JARID2: variants seen among roughly 807,000 people sequenced by gnomAD.
JARID2 encodes the protein protein Jumonji.
JARID2 carries 21 observed loss-of-function variants against 125.6 expected under a neutral mutation model. The ratio of observed to expected loss-of-function variants is 0.17; its 90% CI spans 0.12 to 0.24. The LOEUF (loss-of-function observed/expected upper bound fraction) is 0.24, where lower values mean the gene tolerates loss of function less well. JARID2 is among the 10% of genes least tolerant of loss of function. The probability of loss-of-function intolerance (pLI) is 1.00; values close to 1 mark genes in which losing one functional copy is unlikely to be tolerated. For missense variants in JARID2, 1,303 were observed against 1,639.6 expected (o/e 0.79, Z 3.55); for synonymous variants, 736 against 661.6 (o/e 1.11, Z -1.73).
chr6:15,389,682 T>G (rs1207325854), intron 2 of JARID2, among the ~76,000 whole-genome samples: 2 of 152,192 alleles, frequency 1.3e-5, no homozygotes, highest in Non-Finnish European at 2.9e-5. Context: ...CTGAGGAAAA[T>G]GTTGGCAAAC....
intron 1 of JARID2, among the ~76,000 whole-genome samples, chr6:15,253,282 A>G (rs2127298372): frequency 6.6e-6 from 1 of 152,198 alleles, no homozygotes; most frequent in East Asian, 1.9e-4. Context: ...CCAGGCTGGT[A>G]TTGAACTCCT....
intron 2 of JARID2, among the ~76,000 whole-genome samples, chr6:15,395,366 G>A (rs1298077190): frequency 1.3e-5 from 2 of 152,094 alleles, no homozygotes; most frequent in African/African-American, 4.8e-5. Flanking sequence ...TATGATCTCA[G>A]CTCACCGCAA....
At chr6:15,308,077 G>A (rs953439639) in intron 1 of JARID2, among the ~76,000 whole-genome samples, 1 of 152,098 alleles carries the variant, frequency 6.6e-6, no homozygotes, top group African/African-American at 2.4e-5. Flanking sequence ...AATTTTTCTG[G>A]TTTTCTGAAA....
At chr6:15,466,023 C>T (rs1374670847) in intron 4 of JARID2, among the ~76,000 whole-genome samples, 2 of 152,092 alleles carry the variant, frequency 1.3e-5, no homozygotes, top group Admixed American at 6.6e-5. Context: ...AGGCTGGTCT[C>T]GAACTCCTGA....
chr6:15,281,291 C>T (rs1760738941), intron 1 of JARID2, among the ~76,000 whole-genome samples: 1 of 152,238 alleles, frequency 6.6e-6, no homozygotes, highest in South Asian at 2.1e-4. Context: ...CCCACACTGG[C>T]TGTGTCTCAC....
chr6:15,313,017 C>T (rs1391231483), intron 1 of JARID2, among the ~76,000 whole-genome samples: 1 of 152,196 alleles, frequency 6.6e-6, no homozygotes, highest in East Asian at 1.9e-4. Flanking sequence ...CCTCCAGTTT[C>T]AGAATAGTGC....
intron 1 of JARID2, among the ~76,000 whole-genome samples, chr6:15,301,302 T>A (rs773171664): frequency 3.9e-5 from 6 of 152,224 alleles, no homozygotes; most frequent in Non-Finnish European, 5.9e-5. Context: ...AGACCTTTAA[T>A]GCATTTGGAA....
At chr6:15,290,980 C>G (rs1393907826) in intron 1 of JARID2, among the ~76,000 whole-genome samples, 1 of 152,062 alleles carries the variant, frequency 6.6e-6, no homozygotes, top group Non-Finnish European at 1.5e-5. Context: ...GTGTGTAAGC[C>G]CAGCCCTTTG....
chr6:15,246,326 C>G lies in JARID2; in HGVS notation c.-214C>G, dbSNP rs1759183217. 2 of 538,876 alleles carry G rather than the reference C, an allele frequency of 3.7e-6. No homozygotes were observed. Among genetic ancestry groups the G allele is most frequent in the Admixed American group, 3.6e-5 (1 of 28,068 alleles). The allele number at this position is 538,876 out of a possible 1,614,324, so 33.4% of individuals were successfully genotyped here. A position where few individuals can be genotyped will look rare whatever the true frequency, so the allele number is the denominator to read the frequency against. ...ACTAAAGTGAATTTTTTTTTGTTTG[C>G]TTCGTTCGTCTTTGGCTCTTTTTTT... is the stretch of plus-strand genomic sequence containing the variant. On this transcript the variant is annotated 5_prime_UTR_variant, in exon 1 of 18. Transcript: ENST00000341776.
intron 1 of JARID2, chr6:15,368,618 G>C: frequency 2.3e-6 from 1 of 433,300 alleles, no homozygotes; most frequent in South Asian, 1.6e-5. Flanking sequence ...TTGAGAGACC[G>C]TGTCACGTAA....
At chr6:15,305,082 G>C (rs1761771764) in intron 1 of JARID2, among the ~76,000 whole-genome samples, 1 of 152,174 alleles carries the variant, frequency 6.6e-6, no homozygotes, top group Non-Finnish European at 1.5e-5. Flanking sequence ...GGATTTTTTG[G>C]TTGGACAGGG....
intron 1 of JARID2, chr6:15,248,132 TGGCTGGCGGC>T: frequency 1.0e-6 from 1 of 971,560 alleles, no homozygotes; most frequent in Non-Finnish European, 1.2e-6. Flanking sequence ...TGCAAGCCCG[TGGCTGGCGGC>T]GGCTGCGGGA....
intron 1 of JARID2, among the ~76,000 whole-genome samples, chr6:15,313,615 G>A (rs908096942): frequency 6.6e-6 from 1 of 152,160 alleles, no homozygotes; most frequent in African/African-American, 2.4e-5. Context: ...GGAATTTGCA[G>A]TGTGCCGTAC....
At position 15,496,172 on chromosome 6, in the gene JARID2, G is replaced by A. The variant is rs1483629072; in HGVS notation, c.947G>A (p.Gly316Asp). The change falls in exon 7 of 18, where the codon GGT becomes GAT. Residue 316 changes from glycine to aspartate, a missense_variant. This residue lies in a region of JARID2 where 651 missense variants were observed against 581.6 expected (regional missense o/e 1.12). Coordinates refer to ENST00000341776, the MANE Select transcript of JARID2 (RefSeq NM_004973.4). ...VNGVTRMSSL[G>D]AGVTSAKKMR... is the part of the protein sequence containing the mutation. ...GGAGTCACTCGAATGTCATCTCTGG[G>A]TGCAGGTGTAACCAGTGCCAAAAAG... The A allele has an allele frequency of 6.2e-7, 1 of 1,613,978 alleles. No homozygotes were observed. The highest frequency in any genetic ancestry group is 8.5e-7 in the Non-Finnish European group (1 of 1,179,954).
chr6:15,299,639 G>A (rs893174177), intron 1 of JARID2, among the ~76,000 whole-genome samples: 3 of 152,134 alleles, frequency 2.0e-5, no homozygotes, highest in Non-Finnish European at 2.9e-5. Flanking sequence ...CAAAACCTGT[G>A]GCTTGTGTCT....
intron 1 of JARID2, among the ~76,000 whole-genome samples, chr6:15,252,232 C>T (rs1445091304): frequency 5.3e-5 from 8 of 152,086 alleles, no homozygotes; most frequent in Admixed American, 4.6e-4. Flanking sequence ...AGAAAGAAGA[C>T]CCATGGCCTC....
chr6:15,518,075 G>GT (rs1289069530), intron 17 of JARID2, among the ~76,000 whole-genome samples: 1 of 152,252 alleles, frequency 6.6e-6, no homozygotes, highest in African/African-American at 2.4e-5. Context: ...CTTTGCATCT[G>GT]TTTTGTTTCA....
intron 1 of JARID2, among the ~76,000 whole-genome samples, chr6:15,325,347 CT>C (rs1185234502): frequency 2.0e-5 from 3 of 152,084 alleles, no homozygotes; most frequent in Non-Finnish European, 1.5e-5. Context: ...GTAATCTATC[CT>C]TTTTTTCCCC....
chr6:15,337,152 T>G (rs1395721976), intron 1 of JARID2, among the ~76,000 whole-genome samples: 1 of 152,134 alleles, frequency 6.6e-6, no homozygotes, highest in Admixed American at 6.5e-5. Flanking sequence ...TCATGCAGTT[T>G]TAAACCACCC....
Sources: allele counts gnomAD v4.1 joint callset (sites outside exome capture counted in the v4.1 genomes callset), GRCh38; gene constraint gnomAD v4.1.1; regional missense constraint gnomAD v4.1.1; transcripts MANE v1.5; gene names NCBI Gene and HGNC (gene_info 2026-07-23, HGNC 2026-07-21).